PACRG: variants seen among roughly 807,000 people sequenced by gnomAD.
PACRG encodes parkin coregulated, also known as parkin coregulated gene protein.
PACRG carries 29 observed loss-of-function variants against 29.7 expected under a neutral mutation model. The ratio of observed to expected loss-of-function variants is 0.98; its 90% CI spans 0.73 to 1.33. PACRG has a LOEUF of 1.33. Ranked by LOEUF, PACRG falls within the 40% of genes most tolerant of loss-of-function variation. The pLI is 0.00. For missense variants in PACRG, 279 were observed against 316.2 expected (o/e 0.88, Z 0.89); for synonymous variants, 116 against 118.7 (o/e 0.98, Z 0.15).
chr6:162,749,896 T>C (rs960309952), intron 1 of PACRG, among the ~76,000 whole-genome samples: 1 of 152,216 alleles, frequency 6.6e-6, no homozygotes, highest in African/African-American at 2.4e-5. Flanking sequence ...TATGGGAACA[T>C]TCACCATTGA....
At chr6:163,030,646 C>T (rs545662710) in intron 2 of PACRG, among the ~76,000 whole-genome samples, 247 of 152,276 alleles carry the variant, frequency 1.6e-3, no homozygotes, top group African/African-American at 5.2e-3. Context: ...ATGGCTACTC[C>T]ATAGACAGAG....
At chr6:162,812,674 A>G (rs758580822) in intron 1 of PACRG, among the ~76,000 whole-genome samples, 1 of 152,162 alleles carries the variant, frequency 6.6e-6, no homozygotes, top group East Asian at 1.9e-4. Context: ...CAGGAATCAC[A>G]GTTCTACAGT....
intron 4 of PACRG, among the ~76,000 whole-genome samples, chr6:163,114,657 C>A (rs146194015): frequency 7.6e-4 from 116 of 152,008 alleles, no homozygotes; most frequent in Non-Finnish European, 1.4e-3. Flanking sequence ...AATAATCAAA[C>A]TTAAAGAAGC....
intron 4 of PACRG, among the ~76,000 whole-genome samples, chr6:163,090,675 T>G (rs1010976996): frequency 1.3e-5 from 2 of 152,220 alleles, no homozygotes; most frequent in Non-Finnish European, 2.9e-5. Context: ...ATCCATGAAG[T>G]TATGGGAGAC....
chr6:162,731,542 T>C (rs1779769699), intron 1 of PACRG, among the ~76,000 whole-genome samples: 2 of 152,042 alleles, frequency 1.3e-5, no homozygotes, highest in South Asian at 4.1e-4. Flanking sequence ...TACTACGCCA[T>C]GTTATATCAG....
chr6:162,885,131 G>T lies in PACRG; in HGVS notation c.291+70850G>T, dbSNP rs181680598. 6.6e-5 allele frequency among the ~76,000 whole-genome samples: 10 copies of T among 151,888 alleles called. 1 individual carries two copies. The highest frequency in any genetic ancestry group is 2.4e-4 in the African/African-American group (10 of 41,372). ...TTTTGGTCTCCTTACCCTTGTAGAG[G>T]TTCCTCTATGTACAAGTTTGCACAA... is the stretch of plus-strand genomic sequence containing the variant. On this transcript the variant is annotated intron_variant, in intron 2 of 4. Transcript: ENST00000366888.
At chr6:162,822,853 G>T (rs1233010001) in intron 2 of PACRG, among the ~76,000 whole-genome samples, 2 of 151,906 alleles carry the variant, frequency 1.3e-5, no homozygotes, top group African/African-American at 4.8e-5. Flanking sequence ...AATGACATAT[G>T]TTATGTTAGG....
intron 4 of PACRG, among the ~76,000 whole-genome samples, chr6:163,290,373 C>G (rs1784559695): frequency 6.6e-6 from 1 of 151,250 alleles, no homozygotes; most frequent in African/African-American, 2.4e-5. Context: ...CATTCATAAC[C>G]TATTTTGTAG....
intron 4 of PACRG, among the ~76,000 whole-genome samples, chr6:163,145,065 G>A (rs1457219439): frequency 6.6e-6 from 1 of 152,080 alleles, no homozygotes; most frequent in Non-Finnish European, 1.5e-5. Context: ...GTGAGTTCTG[G>A]CTTGGAGACC....
chr6:162,755,727 G>A (rs146925412), intron 1 of PACRG, among the ~76,000 whole-genome samples: 19 of 152,242 alleles, frequency 1.2e-4, no homozygotes, highest in Admixed American at 7.8e-4. Flanking sequence ...ATGAGCCATG[G>A]CACCTAGCCC....
At chr6:162,905,050 C>T (rs919069923) in intron 2 of PACRG, among the ~76,000 whole-genome samples, 3 of 152,100 alleles carry the variant, frequency 2.0e-5, no homozygotes, top group Non-Finnish European at 2.9e-5. Context: ...AGAAGAGAGA[C>T]AGGGGGAATT....
rs978551388 is a variant in PACRG, at chr6:162,777,159, C to T, written c.157-36988C>T. Reference sequence around the variant, plus strand: ...GGGTGAATGTTCTGTCGCACACTTGCACAAACCCTGATCTCTCTTCAGGGG... The same window carrying T: ...GGGTGAATGTTCTGTCGCACACTTGTACAAACCCTGATCTCTCTTCAGGGG... On this transcript the variant is annotated intron_variant, in intron 1 of 4. Coordinates refer to ENST00000366888, the MANE Select transcript of PACRG (RefSeq NM_001080379.2). The surrounding 1 kb of genome is among the most constrained non-coding windows in gnomAD (Gnocchi z 4.0). 1.3e-5 allele frequency among the ~76,000 whole-genome samples: 2 copies of T among 152,212 alleles called. No individual in the cohort carries two copies. The highest frequency in any genetic ancestry group is 3.2e-3 in the Middle Eastern group (1 of 316).
At chr6:163,165,514 C>G (rs952016307) in intron 4 of PACRG, 1 of 153,644 alleles carries the variant, frequency 6.5e-6, no homozygotes, top group African/African-American at 2.4e-5. Flanking sequence ...CAAGAATACA[C>G]CCATAAAGGG....
intron 4 of PACRG, among the ~76,000 whole-genome samples, chr6:163,150,928 G>A (rs995146308): frequency 4.6e-5 from 7 of 152,176 alleles, no homozygotes; most frequent in African/African-American, 1.7e-4. Context: ...TGGGGTGTTT[G>A]CTCTGCCCGG....
In PACRG at chr6:162,777,654, G is replaced by A. The variant is rs1169962849; in HGVS notation, c.157-36493G>A. Among the ~76,000 whole-genome samples the A allele has an allele frequency of 6.6e-6, 1 of 152,046 alleles. No homozygotes were observed. Among genetic ancestry groups the A allele is most frequent in the Non-Finnish European group, 1.5e-5 (1 of 67,998 alleles). On this transcript the variant is annotated intron_variant, in intron 1 of 4. Transcript: ENST00000366888. The surrounding 1 kb of genome is among the most constrained non-coding windows in gnomAD (Gnocchi z 4.0). Reference sequence around the variant, plus strand: ...AGTTTTGGGATTTTTTTAATTTGGTGCCTGTGATTTCATAAGGAAATATTT... The same window carrying A: ...AGTTTTGGGATTTTTTTAATTTGGTACCTGTGATTTCATAAGGAAATATTT...
At chr6:162,875,511 T>A (rs1484373277) in intron 2 of PACRG, among the ~76,000 whole-genome samples, 2 of 152,222 alleles carry the variant, frequency 1.3e-5, no homozygotes, top group Non-Finnish European at 2.9e-5. Flanking sequence ...AGTATGGTGT[T>A]TAGACATCCT....
chr6:162,980,694 G>A (rs1488030782), intron 2 of PACRG, among the ~76,000 whole-genome samples: 1 of 152,140 alleles, frequency 6.6e-6, no homozygotes, highest in Non-Finnish European at 1.5e-5. Flanking sequence ...AGGATCTGAT[G>A]TTCTCGACCT....
intron 4 of PACRG, among the ~76,000 whole-genome samples, chr6:163,099,468 A>G (rs1814888890): frequency 6.6e-6 from 1 of 152,262 alleles, no homozygotes; most frequent in Admixed American, 6.5e-5. Context: ...TAATCTGAGC[A>G]AGAAAGCAAA....
intron 1 of PACRG, among the ~76,000 whole-genome samples, chr6:162,809,934 G>A (rs1294811633): frequency 6.6e-6 from 1 of 152,204 alleles, no homozygotes; most frequent in African/African-American, 2.4e-5. Context: ...CTCACGAGGA[G>A]CTTGGGCTTG....
Sources: allele counts gnomAD v4.1 joint callset (sites outside exome capture counted in the v4.1 genomes callset), GRCh38; gene constraint gnomAD v4.1.1; non-coding constraint Gnocchi (gnomAD v3.1); transcripts MANE v1.5; gene names NCBI Gene and HGNC (gene_info 2026-07-23, HGNC 2026-07-21).